The following AUNIP variants were observed in gnomAD, a reference collection of about 807,000 sequenced individuals.
AUNIP encodes the protein aurora kinase A- and ninein-interacting protein.
Under a neutral mutation model 12.2 loss-of-function variants are expected in AUNIP, and 16 were observed. That is an observed-to-expected ratio of 1.31 (90% CI 0.88 to 1.99). AUNIP has a LOEUF of 1.99. Among genes scored for constraint, AUNIP ranks in the 30% most tolerant of loss-of-function variants. The probability of loss-of-function intolerance (pLI) is 0.00; values close to 1 mark genes in which losing one functional copy is unlikely to be tolerated. For missense variants in AUNIP, 411 were observed against 419.1 expected, an observed-to-expected ratio of 0.98 and a Z score of 0.17; for synonymous variants, 142 against 154.8, an observed-to-expected ratio of 0.92 and a Z score of 0.61.
chr1:25,838,439 G>T (rs2048320801), intron 1 of AUNIP, among the ~76,000 whole-genome samples: 1 of 151,920 alleles, frequency 6.6e-6, no homozygotes, highest in Admixed American at 6.6e-5. Context: ...GGAGGCGGAG[G>T]TTGCAATGAG....
chr1:25,843,185 A>AATATATAT lies in AUNIP; in HGVS notation c.79-5639_79-5632dup, dbSNP rs1342427424. 3.6e-3 allele frequency among the ~76,000 whole-genome samples: 452 copies of AATATATAT among 124,934 alleles called. 1 individual carries two copies. The highest frequency in any genetic ancestry group is 9.7e-3 in the African/African-American group (325 of 33,572). The allele number at this position is 124,934 out of a possible 152,430, so 82.0% of individuals were successfully genotyped here. ...GAGACCCCATCTCAAAAAAAAAAAA[A>AATATATAT]ATATATATATATATATATTTTACTG... On this transcript the variant is annotated intron_variant, in intron 1 of 2. Transcript: ENST00000374298.
chr1:25,853,370 G>A (rs2048437210), intron 1 of AUNIP, among the ~76,000 whole-genome samples: 1 of 152,178 alleles, frequency 6.6e-6, no homozygotes, highest in South Asian at 2.1e-4. Flanking sequence ...GCGGAGGCAG[G>A]TGGATCACCT....
At chr1:25,837,124 C>T (rs1052463121) in intron 2 of AUNIP, among the ~76,000 whole-genome samples, 4 of 152,222 alleles carry the variant, frequency 2.6e-5, no homozygotes, top group African/African-American at 9.7e-5. Flanking sequence ...CAGGGCAACT[C>T]CCCAGTGCAC....
intron 1 of AUNIP, among the ~76,000 whole-genome samples, chr1:25,838,479 G>A (rs1268789101): frequency 6.6e-6 from 1 of 151,976 alleles, no homozygotes; most frequent in East Asian, 1.9e-4. Context: ...CTCCAGCCTG[G>A]GCGACAGAGC....
chr1:25,843,623 AG>A lies in AUNIP; in HGVS notation c.79-6070del, dbSNP rs200650546. Among the ~76,000 whole-genome samples the A allele has an allele frequency of 9.3e-4, 129 of 138,138 alleles. 7 individuals are homozygous for A. Among genetic ancestry groups the A allele is most frequent in the Non-Finnish European group, 1.4e-3 (91 of 67,048 alleles). The allele number at this position is 138,138 out of a possible 152,430, so 90.6% of individuals were successfully genotyped here. A position where few individuals can be genotyped will look rare whatever the true frequency, so the allele number is the denominator to read the frequency against. On this transcript the variant is annotated intron_variant, in intron 1 of 2. Coordinates refer to ENST00000374298, the MANE Select transcript of AUNIP (RefSeq NM_024037.3). Reference sequence around the variant, plus strand: ...AAAAAAAAAAAAAAAAAAAAAAAAAAGGGATTCATGATTCATGGGAGGAGGT... The same window carrying A: ...AAAAAAAAAAAAAAAAAAAAAAAAAAGGATTCATGATTCATGGGAGGAGGT...
At chr1:25,850,884 T>C (rs1314050252) in intron 1 of AUNIP, among the ~76,000 whole-genome samples, 1 of 152,226 alleles carries the variant, frequency 6.6e-6, no homozygotes, top group African/African-American at 2.4e-5. Flanking sequence ...CTTTTATTTC[T>C]TTTTCTTGCT....
Position 25,837,498 on chromosome 1 carries a change from C to T in AUNIP, c.135G>A (p.Lys45=), listed in dbSNP as rs2048312610. ...KMLTLLPGER[K]ANIYFTQRRA... is the part of the protein sequence containing the mutation. The stretch of plus-strand genomic sequence containing the variant: ...TTCTTTGAGTAAAATAAATATTAGC[C>T]TTTCTTTCTCCAGGAAGGAGTGTTA... The change falls in exon 2 of 3, where the codon AAG becomes AAA. Residue 45 remains lysine (K), a synonymous_variant. Transcript: ENST00000374298. 1 of 1,613,674 alleles carries T rather than the reference C, an allele frequency of 6.2e-7. No homozygotes were observed. Among genetic ancestry groups the T allele is most frequent in the South Asian group, 1.1e-5 (1 of 91,074 alleles).
chr1:25,836,942 CA>C (rs1176677562), intron 2 of AUNIP, among the ~76,000 whole-genome samples: 1 of 152,140 alleles, frequency 6.6e-6, no homozygotes, highest in African/African-American at 2.4e-5. Context: ...GACCTGGAAG[CA>C]AAGAACAGCC....
rs772304245 is a variant in AUNIP, at chr1:25,835,664, G to A, written c.403C>T (p.Gln135Ter). ...TGGTGGCCAGAAGTCTGGAGGGACT[G>A]AGGAGAGAGTCCAGCTTCCTGGATG... ...ADIQEAGLSP[Q>*]SLQTSGHHRM... is the part of the protein sequence containing the mutation. The change falls in exon 3 of 3, where the codon CAG (glutamine) becomes TAG (stop). Residue 135 changes from glutamine (Q) to a stop codon, truncating the protein, a stop_gained. Transcript: ENST00000374298. LOFTEE classifies it low-confidence loss of function (END_TRUNC). The A allele has an allele frequency of 3.1e-6, 5 of 1,614,122 alleles. No homozygotes were observed. Among genetic ancestry groups the A allele is most frequent in the Non-Finnish European group, 4.2e-6 (5 of 1,180,052 alleles).
chr1:25,856,416 G>A (rs2048461437), intron 1 of AUNIP, among the ~76,000 whole-genome samples: 1 of 151,754 alleles, frequency 6.6e-6, no homozygotes, highest in African/African-American at 2.4e-5. Context: ...GGGCGTAGTG[G>A]CTCACGCCTG....
At chr1:25,841,680 C>A (rs1041172405) in intron 1 of AUNIP, among the ~76,000 whole-genome samples, 1 of 152,060 alleles carries the variant, frequency 6.6e-6, no homozygotes, top group Non-Finnish European at 1.5e-5. Context: ...CTGGCCACCA[C>A]GCCCGGCTAA....
chr1:25,858,715 T>C (rs1472570194), intron 1 of AUNIP, among the ~76,000 whole-genome samples: 2 of 152,128 alleles, frequency 1.3e-5, no homozygotes, highest in Admixed American at 6.6e-5. Context: ...ATAACGCATA[T>C]TCAGTATCTA....
intron 1 of AUNIP, among the ~76,000 whole-genome samples, chr1:25,856,720 CAGAG>C (rs1030830241): frequency 2.6e-5 from 4 of 152,160 alleles, no homozygotes; most frequent in Non-Finnish European, 1.5e-5. Flanking sequence ...GAATTATAGA[CAGAG>C]AGACAAATAT....
At chr1:25,848,483 C>CAAAAAAA (rs761716480) in intron 1 of AUNIP, among the ~76,000 whole-genome samples, 2 of 62,472 alleles carry the variant, frequency 3.2e-5, no homozygotes, top group African/African-American at 5.6e-5. Context: ...AACTCCGTCT[C>CAAAAAAA]AAAAAAAAAA....
Position 25,834,734 on chromosome 1 carries a change from T to G in AUNIP, c.*259A>C. ...CACTTTCATAGAGATAAATACCCAC[T>G]GTGCTGCCTCAGTGTTCATCATAGA... On this transcript the variant is annotated 3_prime_UTR_variant, in exon 3 of 3. Transcript: ENST00000374298. 1 of 1,311,362 alleles carries G rather than the reference T, an allele frequency of 7.6e-7. No homozygotes were observed. Among genetic ancestry groups the G allele is most frequent in the Non-Finnish European group, 9.7e-7 (1 of 1,030,840 alleles). 81.2% of individuals were successfully genotyped at this position (1,311,362 alleles called of 1,614,324 possible).
In AUNIP at chr1:25,835,803, T is replaced by C. The variant is rs1172686840; in HGVS notation, c.264A>G (p.Thr88=). The C allele has an allele frequency of 6.2e-7, 1 of 1,614,232 alleles. No homozygotes were observed. ...GSDQKSVSSH[T]ESQINKESKK... is the part of the protein sequence containing the mutation. The stretch of plus-strand genomic sequence containing the variant: ...TGGACTCTTTGTTGATCTGACTTTC[T>C]GTATGAGATGAAACACTCTTCTGGT... The change falls in exon 3 of 3, where the codon ACA becomes ACG. Residue 88 remains threonine, a synonymous_variant. Coordinates refer to ENST00000374298, the MANE Select transcript of AUNIP (RefSeq NM_024037.3).
chr1:25,852,231 G>A (rs1173081543), intron 1 of AUNIP, among the ~76,000 whole-genome samples: 2 of 152,134 alleles, frequency 1.3e-5, no homozygotes, highest in Admixed American at 6.5e-5. Context: ...TGGGATTATA[G>A]GTGTGAGCCA....
chr1:25,857,099 C>T (rs982965885), intron 1 of AUNIP, among the ~76,000 whole-genome samples: 1 of 152,046 alleles, frequency 6.6e-6, no homozygotes, highest in South Asian at 2.1e-4. Context: ...GCCTGGGTGA[C>T]GGACTGAGGC....
chr1:25,849,472 A>G (rs1485607270), intron 1 of AUNIP, among the ~76,000 whole-genome samples: 1 of 152,054 alleles, frequency 6.6e-6, no homozygotes, highest in East Asian at 1.9e-4. Context: ...AGATTTGCCT[A>G]TTCTGGGCCT....
Sources: allele counts gnomAD v4.1 joint callset (sites outside exome capture counted in the v4.1 genomes callset), GRCh38; gene constraint gnomAD v4.1.1; transcripts MANE v1.5; gene names NCBI Gene and HGNC (gene_info 2026-07-23, HGNC 2026-07-21).